Variants in OR9Q1 observed in about 807,000 individuals in gnomAD.
The protein encoded by OR9Q1 is olfactory receptor family 9 subfamily Q member 1, also known as olfactory receptor 9Q1.
For missense variants in OR9Q1, 374 were observed against 378.8 expected (o/e 0.99, Z 0.11); for synonymous variants, 153 against 148.6 (o/e 1.03, Z -0.22).
intron 2 of OR9Q1, among the ~76,000 whole-genome samples, chr11:58,081,043 C>T (rs767031826): frequency 1.3e-5 from 2 of 152,068 alleles, no homozygotes; most frequent in Non-Finnish European, 2.9e-5. Context: ...GTTCATCTCC[C>T]ACCTATGAAT....
At chr11:58,090,201 G>A (rs1006568065) in intron 2 of OR9Q1, among the ~76,000 whole-genome samples, 1 of 152,214 alleles carries the variant, frequency 6.6e-6, no homozygotes, top group Admixed American at 6.5e-5. Flanking sequence ...GGAGTGGTGA[G>A]AGAGGGCATC....
At chr11:58,143,041 C>T (rs1408677342) in intron 2 of OR9Q1, among the ~76,000 whole-genome samples, 1 of 152,134 alleles carries the variant, frequency 6.6e-6, no homozygotes, top group Non-Finnish European at 1.5e-5. Flanking sequence ...CATACAAATC[C>T]ATTGTGCATA....
intron 2 of OR9Q1, among the ~76,000 whole-genome samples, chr11:58,105,675 C>T (rs146268069): frequency 2.8e-4 from 42 of 152,130 alleles, no homozygotes; most frequent in East Asian, 1.9e-3. Context: ...TTGTATTTTC[C>T]GCTTCTATAA....
chr11:58,101,813 C>G (rs1345985059), intron 2 of OR9Q1, among the ~76,000 whole-genome samples: 4 of 152,194 alleles, frequency 2.6e-5, no homozygotes, highest in Admixed American at 2.0e-4. Flanking sequence ...ATGGCACAAT[C>G]TCAGCTCACT....
intron 2 of OR9Q1, chr11:58,077,399 T>C (rs554117108): frequency 1.3e-5 from 2 of 152,312 alleles, no homozygotes; most frequent in South Asian, 4.1e-4. Context: ...TGAAGGCAAC[T>C]TGTATATCCT....
At chr11:58,178,371 T>G (rs1854624813) in intron 2 of OR9Q1, among the ~76,000 whole-genome samples, 1 of 152,202 alleles carries the variant, frequency 6.6e-6, no homozygotes. Context: ...AAAATATCCT[T>G]TCCATGATGG....
intron 1 of OR9Q1, among the ~76,000 whole-genome samples, chr11:58,039,600 A>C (rs1341872297): frequency 2.0e-5 from 3 of 152,224 alleles, no homozygotes; most frequent in African/African-American, 7.2e-5. Flanking sequence ...CCTTTAGAGC[A>C]GACTTTGCAT....
chr11:58,149,164 A>G (rs1854327116), intron 2 of OR9Q1, among the ~76,000 whole-genome samples: 2 of 152,192 alleles, frequency 1.3e-5, no homozygotes, highest in African/African-American at 4.8e-5. Context: ...CTTACTAAAT[A>G]TGCTTCTTTG....
At chr11:58,140,004 T>G (rs1254677470) in intron 2 of OR9Q1, among the ~76,000 whole-genome samples, 3 of 152,192 alleles carry the variant, frequency 2.0e-5, no homozygotes, top group African/African-American at 7.2e-5. Context: ...TATCTCATTG[T>G]GGTTTTGATT....
At chr11:58,137,147 T>C (rs1190904265) in intron 2 of OR9Q1, among the ~76,000 whole-genome samples, 1 of 152,192 alleles carries the variant, frequency 6.6e-6, no homozygotes, top group Non-Finnish European at 1.5e-5. Context: ...CATCAATACC[T>C]CTTTCCAAAA....
chr11:58,114,101 C>T (rs1853928179), intron 2 of OR9Q1, among the ~76,000 whole-genome samples: 1 of 152,112 alleles, frequency 6.6e-6, no homozygotes, highest in Non-Finnish European at 1.5e-5. Context: ...CCTTTGAACC[C>T]ACCCCAGCAG....
chr11:58,025,098 G>C (rs1209815056), intron 1 of OR9Q1, among the ~76,000 whole-genome samples: 2 of 152,150 alleles, frequency 1.3e-5, no homozygotes, highest in African/African-American at 4.8e-5. Flanking sequence ...TAGTTCATAG[G>C]ATCATAGTAC....
At chr11:58,126,750 T>C (rs1854094057) in intron 2 of OR9Q1, among the ~76,000 whole-genome samples, 1 of 152,112 alleles carries the variant, frequency 6.6e-6, no homozygotes, top group Non-Finnish European at 1.5e-5. Flanking sequence ...CCTGGAATGG[T>C]ATAGAAGGTA....
intron 2 of OR9Q1, among the ~76,000 whole-genome samples, chr11:58,152,340 A>C (rs149984519): frequency 4.6e-5 from 7 of 152,236 alleles, no homozygotes; most frequent in African/African-American, 1.4e-4. Flanking sequence ...AAATAAGCTA[A>C]TAATGGAATT....
chr11:58,118,671 C>A, intron 2 of OR9Q1: 1 of 1,613,986 alleles, frequency 6.2e-7, no homozygotes, highest in Non-Finnish European at 8.5e-7. Context: ...TTTGCAGATA[C>A]ATGAAGATAA....
intron 2 of OR9Q1, among the ~76,000 whole-genome samples, chr11:58,164,654 C>T (rs1854485256): frequency 6.6e-6 from 1 of 152,194 alleles, no homozygotes; most frequent in East Asian, 1.9e-4. Flanking sequence ...GACCTTGCTG[C>T]CCAGGTGCTT....
chr11:58,070,375 C>T (rs1853476100), intron 2 of OR9Q1, among the ~76,000 whole-genome samples: 1 of 151,968 alleles, frequency 6.6e-6, no homozygotes, highest in Non-Finnish European at 1.5e-5. Context: ...ATACTTTTCC[C>T]CCCTCTAATA....
chr11:58,150,466 T>G (rs1854339789), intron 2 of OR9Q1, among the ~76,000 whole-genome samples: 1 of 152,202 alleles, frequency 6.6e-6, no homozygotes, highest in Non-Finnish European at 1.5e-5. Context: ...GTTTGTTTAT[T>G]GTTGAGTTGC....
At chr11:58,041,311 A>G (rs576499743) in intron 1 of OR9Q1, 1 of 152,960 alleles carries the variant, frequency 6.5e-6, no homozygotes, top group African/African-American at 2.4e-5. Context: ...TGCCACCACC[A>G]CGATGGTCTT....
Sources: gnomAD v4.1 joint callset for allele counts (sites outside exome capture counted in the v4.1 genomes callset) on GRCh38, gnomAD v4.1.1 for gene constraint, MANE v1.5 for transcripts, NCBI Gene and HGNC (gene_info 2026-07-23, HGNC 2026-07-21) for gene names.